CUL1: variants seen among roughly 807,000 people sequenced by gnomAD.
CUL1 encodes cullin-1.
CUL1 carries 24 observed loss-of-function variants against 118.0 expected under a neutral mutation model. The observed-to-expected ratio is 0.20, with a 90% CI of 0.15 to 0.29. The LOEUF (loss-of-function observed/expected upper bound fraction) is 0.29, where lower values mean the gene tolerates loss of function less well. CUL1 is among the 10% of genes least tolerant of loss of function. The pLI, the probability that CUL1 is intolerant of heterozygous loss-of-function variation, is 1.00. For synonymous variants in CUL1, 332 were observed against 340.4 expected (o/e 0.98, Z 0.27); for missense variants, 361 against 933.8 (o/e 0.39, Z 7.99).
At chr7:148,746,431 A>T (rs1799312310) in intron 2 of CUL1, among the ~76,000 whole-genome samples, 1 of 152,224 alleles carries the variant, frequency 6.6e-6, no homozygotes, top group African/African-American at 2.4e-5. Context: ...TCTGCCCTGA[A>T]AGAACAAACC....
intron 2 of CUL1, among the ~76,000 whole-genome samples, chr7:148,739,178 C>T (rs1799059569): frequency 6.6e-6 from 1 of 152,160 alleles, no homozygotes; most frequent in Non-Finnish European, 1.5e-5. Context: ...GCGCTTTTTC[C>T]TCAGGTCTCA....
chr7:148,734,629 A>G (rs1320642145), intron 2 of CUL1, among the ~76,000 whole-genome samples: 1 of 152,188 alleles, frequency 6.6e-6, no homozygotes, highest in Admixed American at 6.5e-5. Flanking sequence ...TTGAATTTGA[A>G]ATAGGTATTG....
intron 1 of CUL1, among the ~76,000 whole-genome samples, chr7:148,710,868 A>T: frequency 6.6e-6 from 1 of 151,896 alleles, no homozygotes; most frequent in African/African-American, 2.4e-5. Context: ...GGGTTTCACC[A>T]TGTTGGTCAG....
At chr7:148,799,647 C>T (rs1166666920) in intron 21 of CUL1, among the ~76,000 whole-genome samples, 3 of 152,142 alleles carry the variant, frequency 2.0e-5, no homozygotes, top group Admixed American at 6.5e-5. Flanking sequence ...GAAACATGCC[C>T]GGCATCCCGG....
At chr7:148,785,183 G>A (rs1451899972) in intron 11 of CUL1, among the ~76,000 whole-genome samples, 3 of 152,124 alleles carry the variant, frequency 2.0e-5, no homozygotes, top group Non-Finnish European at 2.9e-5. Context: ...ATAAACAGGA[G>A]TATTTATTCC....
chr7:148,783,143 C>T (rs1359517940), intron 9 of CUL1, among the ~76,000 whole-genome samples: 2 of 152,222 alleles, frequency 1.3e-5, no homozygotes, highest in Non-Finnish European at 2.9e-5. Context: ...ATTGTCGCCG[C>T]CTTCCTTTGG....
At chr7:148,709,455 C>T (rs145235492) in intron 1 of CUL1, among the ~76,000 whole-genome samples, 178 of 152,198 alleles carry the variant, frequency 1.2e-3, no homozygotes, top group African/African-American at 3.9e-3. Context: ...GAGTTCTTGA[C>T]GATAACAAAA....
chr7:148,767,872 C>G (rs1800057399), intron 9 of CUL1, 123 bp downstream of exon 9: 1 of 989,334 alleles, frequency 1.0e-6, no homozygotes, highest in Non-Finnish European at 1.5e-6. Context: ...CTCTGAGAAC[C>G]ATGTTTTGTC....
intron 1 of CUL1, among the ~76,000 whole-genome samples, chr7:148,723,247 T>C (rs1293841690): frequency 6.6e-6 from 1 of 152,214 alleles, no homozygotes; most frequent in Admixed American, 6.5e-5. Flanking sequence ...TAAATGTTAC[T>C]CAGGACTCAG....
intron 1 of CUL1, among the ~76,000 whole-genome samples, chr7:148,708,633 A>G (rs1797960078): frequency 1.3e-5 from 2 of 152,126 alleles, no homozygotes; most frequent in Admixed American, 6.5e-5. Context: ...TGCCACAACC[A>G]TCCTATCTCA....
chr7:148,789,869 G>A (rs757856467), intron 15 of CUL1, 43 bp downstream of exon 15: 6 of 1,561,740 alleles, frequency 3.8e-6, no homozygotes, highest in South Asian at 2.2e-5. Context: ...GCTAAGTGGA[G>A]GGTGGGGCAG....
intron 11 of CUL1, among the ~76,000 whole-genome samples, chr7:148,785,067 A>G (rs1457210504): frequency 1.3e-5 from 2 of 152,220 alleles, no homozygotes; most frequent in Non-Finnish European, 2.9e-5. Flanking sequence ...TTTTTGGTAA[A>G]TGATGGGAAA....
At chr7:148,776,177 A>C (rs538540404) in intron 9 of CUL1, among the ~76,000 whole-genome samples, 4 of 151,044 alleles carry the variant, frequency 2.6e-5, no homozygotes, top group Admixed American at 6.6e-5. Context: ...CTGCAGGAAG[A>C]CCCCCCTCTG....
chr7:148,725,194 C>T (rs1017469549), intron 1 of CUL1, among the ~76,000 whole-genome samples: 3 of 149,116 alleles, frequency 2.0e-5, no homozygotes, highest in East Asian at 2.0e-4. Context: ...CACATGCGCG[C>T]GTGTACACAC....
intron 2 of CUL1, among the ~76,000 whole-genome samples, chr7:148,749,790 G>A (rs914492682): frequency 1.3e-5 from 2 of 152,202 alleles, no homozygotes; most frequent in African/African-American, 4.8e-5. Flanking sequence ...GCCAAATGAG[G>A]AAGGCATGTT....
intron 9 of CUL1, among the ~76,000 whole-genome samples, chr7:148,782,772 G>T (rs2129462444): frequency 6.6e-6 from 1 of 152,328 alleles, no homozygotes; most frequent in South Asian, 2.1e-4. Context: ...AGAATAGGTA[G>T]AATTGGGAAT....
intron 9 of CUL1, among the ~76,000 whole-genome samples, chr7:148,775,316 C>G (rs1048006987): frequency 8.5e-5 from 13 of 152,154 alleles, no homozygotes; most frequent in Non-Finnish European, 1.5e-4. Context: ...TGGAGTGTAA[C>G]CCAGCTTGGT....
chr7:148,723,091 G>A (rs1798446371), intron 1 of CUL1, among the ~76,000 whole-genome samples: 1 of 152,258 alleles, frequency 6.6e-6, no homozygotes, highest in East Asian at 1.9e-4. Flanking sequence ...GGTTAAGAGA[G>A]ATGAAAGAAC....
intron 1 of CUL1, among the ~76,000 whole-genome samples, chr7:148,709,412 A>T (rs1194947781): frequency 6.6e-6 from 1 of 152,242 alleles, no homozygotes; most frequent in Non-Finnish European, 1.5e-5. Context: ...AGTTTGTGAG[A>T]TTCAAGTCCT....
Sources: gnomAD v4.1 joint callset for allele counts (sites outside exome capture counted in the v4.1 genomes callset) on GRCh38, gnomAD v4.1.1 for gene constraint, MANE v1.5 for transcripts, NCBI Gene and HGNC (gene_info 2026-07-23, HGNC 2026-07-21) for gene names.